BPNT2: variants seen among roughly 807,000 people sequenced by gnomAD.
The protein encoded by BPNT2 is 3'(2'), 5'-bisphosphate nucleotidase 2.
In BPNT2, 11 loss-of-function variants were observed where a neutral mutation model predicts 29.3. The ratio of observed to expected loss-of-function variants is 0.38; its 90% CI spans 0.24 to 0.62. The LOEUF is 0.62. BPNT2 is among the 20% of genes least tolerant of loss of function. The pLI is 0.62. For missense variants in BPNT2, 459 were observed against 473.4 expected, an observed-to-expected ratio of 0.97 and a Z score of 0.28; for synonymous variants, 195 against 187.7, an observed-to-expected ratio of 1.04 and a Z score of -0.32.
chr8:56,964,392 G>C (rs1483793365), intron 4 of BPNT2: 1 of 227,832 alleles, frequency 4.4e-6, no homozygotes, highest in African/African-American at 2.4e-5. Flanking sequence ...TCCACCTCTC[G>C]GGTTCAAGCG....
At chr8:56,977,956 T>C (rs1806171821) in intron 3 of BPNT2, 94 bp downstream of exon 3, 3 of 837,146 alleles carry the variant, frequency 3.6e-6, no homozygotes, top group East Asian at 2.4e-5. Context: ...GAAACTAATA[T>C]AGGAGTGGAT....
At position 56,974,004 on chromosome 8, in the gene BPNT2, C is replaced by G. The variant is rs74446328; in HGVS notation, c.646+4046G>C. Among the ~76,000 whole-genome samples the G allele has an allele frequency of 5.0e-3, 754 of 152,260 alleles. 3 individuals are homozygous for G. The highest frequency in any genetic ancestry group is 0.018 in the African/African-American group (729 of 41,552). The stretch of plus-strand genomic sequence containing the variant: ...AAAACTAATAATCCTTTCTCTTTCT[C>G]CTCCTCCTCTGCCTATTCAATGTGA... On this transcript the variant is annotated intron_variant, in intron 3 of 4. Transcript: ENST00000262644.
intron 3 of BPNT2, among the ~76,000 whole-genome samples, chr8:56,977,449 A>G (rs1806160056): frequency 6.6e-6 from 1 of 152,138 alleles, no homozygotes; most frequent in South Asian, 2.1e-4. Flanking sequence ...TGTTTCTTAT[A>G]AAAACACTCT....
rs1806213746 is a variant in BPNT2, at chr8:56,980,060, T to C, written c.525A>G (p.Pro175=). 6.2e-7 allele frequency: 1 copy of C among 1,613,808 alleles called. No homozygotes were observed. The highest frequency in any genetic ancestry group is 1.3e-5 in the African/African-American group (1 of 74,900). ...PAESVTVWID[P]LDATQEYTED... ...CTGTATATTCCTGTGTAGCATCAAG[T>C]GGGTCAATCCAGACAGTAACACTTT... Residue 175 remains proline (P), a synonymous_variant, in exon 2 of 5, where the codon CCA becomes CCG. Transcript: ENST00000262644.
At position 56,963,954 on chromosome 8, in the gene BPNT2, T is replaced by C. The variant is rs748501972; in HGVS notation, c.919A>G (p.Ile307Val). The C allele has an allele frequency of 1.2e-6, 2 of 1,614,092 alleles. No individual in the cohort carries two copies. Among genetic ancestry groups the C allele is most frequent in the African/African-American group, 1.3e-5 (1 of 75,052 alleles). The change falls in exon 5 of 5, where the codon ATC becomes GTC. Residue 307 changes from isoleucine (I) to valine (V), a missense_variant. Physicochemically the swap from Ile to Val is conservative, Grantham distance 29. Transcript: ENST00000262644. Reference protein sequence around the residue: ...KKWDICAGNAILKALGGHMTT... With the variant: ...KKWDICAGNAVLKALGGHMTT... ...ATATGCCCCCCTAGGGCTTTTAAGA[T>C]GGCATTACCAGCACATATATCCCAC...
intron 1 of BPNT2, among the ~76,000 whole-genome samples, chr8:56,980,963 T>C (rs1192925662): frequency 6.6e-6 from 1 of 151,634 alleles, no homozygotes; most frequent in South Asian, 2.1e-4. Context: ...AGTATTCTAT[T>C]CATTTACAAA....
chr8:56,962,636 A>T lies in BPNT2; in HGVS notation c.*1157T>A, dbSNP rs1259097547. On this transcript the variant is annotated 3_prime_UTR_variant, in exon 5 of 5. Transcript: ENST00000262644. ...ACCAGACTAGAAAAAAATTTCATCA[A>T]AAAGTACCTTCAACCTTCTCTATTT... 3 of 152,202 alleles carry T rather than the reference A, an allele frequency of 2.0e-5. No individual in the cohort carries two copies. The East Asian group carries it at 5.8e-4, about 29-fold the overall frequency. 9.4% of individuals were successfully genotyped at this position (152,202 alleles called of 1,614,324 possible).
At chr8:56,977,837 T>C (rs1028436089) in intron 3 of BPNT2, among the ~76,000 whole-genome samples, 4 of 152,126 alleles carry the variant, frequency 2.6e-5, no homozygotes, top group South Asian at 4.1e-4. Context: ...GATACTCCCT[T>C]ACAGTTTCAG....
At chr8:56,967,960 G>A (rs1805976824) in intron 3 of BPNT2, among the ~76,000 whole-genome samples, 1 of 152,056 alleles carries the variant, frequency 6.6e-6, no homozygotes, top group Admixed American at 6.6e-5. Context: ...ACAATAGCTG[G>A]CCCAAACAGG....
At position 56,966,188 on chromosome 8, in the gene BPNT2, T is replaced by TA; in HGVS notation, c.808+2dup. 6.2e-7 allele frequency: 1 copy of TA among 1,614,080 alleles called. No homozygotes were observed. The highest frequency in any genetic ancestry group is 8.5e-7 in the Non-Finnish European group (1 of 1,179,960). On this transcript the variant is annotated splice_region_variant and intron_variant, in intron 4 of 4. Coordinates refer to ENST00000262644, the MANE Select transcript of BPNT2 (RefSeq NM_017813.5). ...CAGGGACCACACAGGAAGAGGAACA[T>TA]ACCAGCACCACCAGCTGGGATAATT...
At chr8:56,991,302 GA>G (rs1806412476) in intron 1 of BPNT2, among the ~76,000 whole-genome samples, 1 of 152,132 alleles carries the variant, frequency 6.6e-6, no homozygotes, top group Non-Finnish European at 1.5e-5. Flanking sequence ...AAGAAAACAA[GA>G]AGTTGTTTTA....
chr8:56,965,424 G>C (rs1407182024), intron 4 of BPNT2, among the ~76,000 whole-genome samples: 1 of 152,172 alleles, frequency 6.6e-6, no homozygotes, highest in African/African-American at 2.4e-5. Context: ...ACCATAATTT[G>C]CTATTAACCT....
chr8:56,993,146 G>C lies in BPNT2; in HGVS notation c.387+53C>G, dbSNP rs1039683815. 5 of 1,560,806 alleles carry C rather than the reference G, an allele frequency of 3.2e-6. No individual in the cohort carries two copies. In the African/African-American group the frequency reaches 4.1e-5, roughly 13 times the overall value. On this transcript the variant is annotated intron_variant, in intron 1 of 4. Transcript: ENST00000262644. ...ACATCCCATACTGTTAAGAGTCGAC[G>C]GGCCGAGACGCGCTACCCGGCTCGA...
chr8:56,977,562 T>C (rs1178022954), intron 3 of BPNT2, among the ~76,000 whole-genome samples: 1 of 152,180 alleles, frequency 6.6e-6, no homozygotes, highest in Non-Finnish European at 1.5e-5. Flanking sequence ...AAAAGATATG[T>C]TGACATCCTC....
Position 56,978,091 on chromosome 8 carries a change from G to T in BPNT2, c.605C>A (p.Pro202His). 1 of 1,612,028 alleles carries T rather than the reference G, an allele frequency of 6.2e-7. No individual in the cohort carries two copies. Among genetic ancestry groups the T allele is most frequent in the Non-Finnish European group, 8.5e-7 (1 of 1,178,664 alleles). Reference sequence around the variant, plus strand: ...TGGCTTATGTATAACTCCTAGCATGGGTTTACCATTTACAGCCACACACAC... The same window carrying T: ...TGGCTTATGTATAACTCCTAGCATGTGTTTACCATTTACAGCCACACACAC... ...TMVCVAVNGKPMLGVIHKPFS... is the reference protein window; with the variant it reads ...TMVCVAVNGKHMLGVIHKPFS... The change falls in exon 3 of 5, where the codon CCC becomes CAC. Residue 202 changes from proline to histidine, a missense_variant. Physicochemically the swap from Pro to His is moderately conservative, Grantham distance 77. Transcript: ENST00000262644.
At position 56,978,122 on chromosome 8, in the gene BPNT2, T is replaced by C. The variant is rs1806175715; in HGVS notation, c.574A>G (p.Thr192Ala). 1.9e-6 allele frequency: 3 copies of C among 1,611,054 alleles called. No homozygotes were observed. Among genetic ancestry groups the C allele is most frequent in the African/African-American group, 1.3e-5 (1 of 74,864 alleles). The change falls in exon 3 of 5, where the codon ACT (threonine) becomes GCT (alanine). Residue 192 changes from threonine to alanine, a missense_variant. Thr to Ala is a moderately conservative substitution (Grantham distance 58). Coordinates refer to ENST00000262644, the MANE Select transcript of BPNT2 (RefSeq NM_017813.5). Reference protein sequence around the residue: ...YTEDLRKYVTTMVCVAVNGKP... With the variant: ...YTEDLRKYVTAMVCVAVNGKP... ...CCATTTACAGCCACACACACCATAG[T>C]AGTGACGTACTTTCGAAGATCCTCT...
At chr8:56,989,483 T>C (rs1163743043) in intron 1 of BPNT2, among the ~76,000 whole-genome samples, 1 of 152,200 alleles carries the variant, frequency 6.6e-6, no homozygotes, top group Non-Finnish European at 1.5e-5. Context: ...TCCTTTGTTG[T>C]TGTGAAGATA....
At chr8:56,983,757 GT>G (rs1164052611) in intron 1 of BPNT2, among the ~76,000 whole-genome samples, 3 of 151,830 alleles carry the variant, frequency 2.0e-5, no homozygotes, top group Admixed American at 6.6e-5. Context: ...GTTGTTGTTG[GT>G]TTTTTTTAAC....
rs1805788320 is a variant in BPNT2, at chr8:56,959,276, C to A, written c.*4517G>T. 6.6e-6 allele frequency: 1 copy of A among 152,156 alleles called. No individual in the cohort carries two copies. The highest frequency in any genetic ancestry group is 2.4e-5 in the African/African-American group (1 of 41,436). 9.4% of individuals were successfully genotyped at this position (152,156 alleles called of 1,614,324 possible). On this transcript the variant is annotated 3_prime_UTR_variant, in exon 5 of 5. Transcript: ENST00000262644. ...TTTTCCCACAAAATTAATTCAACAT[C>A]CAACCTTAAAAATAAATAAAGCTTT...
Sources: gnomAD v4.1 joint callset for allele counts (sites outside exome capture counted in the v4.1 genomes callset) on GRCh38, gnomAD v4.1.1 for gene constraint, MANE v1.5 for transcripts, NCBI Gene and HGNC (gene_info 2026-07-23, HGNC 2026-07-21) for gene names.